UNC5D: variants seen among roughly 807,000 people sequenced by gnomAD.
UNC5D encodes the protein netrin receptor UNC5D.
UNC5D carries 39 observed loss-of-function variants against 105.4 expected under a neutral mutation model. The ratio of observed to expected loss-of-function variants is 0.37; its 90% confidence interval spans 0.29 to 0.48. The LOEUF (loss-of-function observed/expected upper bound fraction) is 0.48, where lower values mean the gene tolerates loss of function less well. Ranked by LOEUF, UNC5D falls within the 20% of genes least tolerant of loss-of-function variation. The pLI is 0.98. For missense variants in UNC5D, 991 were observed against 1,202.4 expected (o/e 0.82, Z 2.60); for synonymous variants, 452 against 450.4 (o/e 1.00, Z -0.04).
At chr8:35,249,002 C>CATATATAATATATATTATATAAAA (rs1563248714) in intron 1 of UNC5D, among the ~76,000 whole-genome samples, 2 of 70,152 alleles carry the variant, frequency 2.9e-5, no homozygotes, top group African/African-American at 1.1e-4. Flanking sequence ...TATATATAAA[C>CATATATAATATATATTATATAAAA]ATATATAATA....
rs537471018 is a variant in UNC5D, at chr8:35,238,850, T to G, written c.103+2963T>G. ...AATAGTCTTGTGATTTACACATACTTAAATCCGTCTATCTGTCTAGCTCAT... is the reference window on the plus strand; with the variant it reads ...AATAGTCTTGTGATTTACACATACTGAAATCCGTCTATCTGTCTAGCTCAT... On this transcript the variant is annotated intron_variant, in intron 1 of 16. Transcript: ENST00000404895. Among the ~76,000 whole-genome samples, 21 of 152,292 alleles carry G rather than the reference T, an allele frequency of 1.4e-4. No homozygotes were observed. The South Asian group carries it at 3.7e-3, about 27-fold the overall frequency.
intron 4 of UNC5D, among the ~76,000 whole-genome samples, chr8:35,629,052 A>C (rs183249721): frequency 6.6e-6 from 1 of 152,064 alleles, no homozygotes; most frequent in African/African-American, 2.4e-5. Flanking sequence ...TTATATGCAG[A>C]GTTTCTAATT....
chr8:35,522,458 GA>G (rs1329806498), intron 1 of UNC5D, among the ~76,000 whole-genome samples: 1 of 152,160 alleles, frequency 6.6e-6, no homozygotes, highest in African/African-American at 2.4e-5. Context: ...ATGAGCTTGT[GA>G]TTTCAATCAA....
chr8:35,731,806 C>G (rs1030234200), intron 11 of UNC5D, among the ~76,000 whole-genome samples: 1 of 152,176 alleles, frequency 6.6e-6, no homozygotes, highest in Non-Finnish European at 1.5e-5. Context: ...AAGACCTACT[C>G]TATACTGCCC....
intron 1 of UNC5D, among the ~76,000 whole-genome samples, chr8:35,462,591 C>T (rs1224650636): frequency 6.8e-6 from 1 of 147,354 alleles, no homozygotes; most frequent in South Asian, 2.1e-4. Flanking sequence ...ATATTCTTAA[C>T]TCTAACAATA....
At chr8:35,331,088 A>G (rs1276695597) in intron 1 of UNC5D, among the ~76,000 whole-genome samples, 1 of 152,136 alleles carries the variant, frequency 6.6e-6, no homozygotes, top group African/African-American at 2.4e-5. Flanking sequence ...CCAAAGGGGA[A>G]TTTTGGAGAA....
chr8:35,641,365 G>GA (rs1822703868), intron 4 of UNC5D, among the ~76,000 whole-genome samples: 1 of 19,872 alleles, frequency 5.0e-5, no homozygotes, highest in African/African-American at 2.0e-4. Context: ...AAAAAATAAA[G>GA]CAAAAAAAAA....
At chr8:35,598,677 T>C (rs1240089725) in intron 4 of UNC5D, among the ~76,000 whole-genome samples, 1 of 152,158 alleles carries the variant, frequency 6.6e-6, no homozygotes, top group East Asian at 1.9e-4. Flanking sequence ...AATGGACAAA[T>C]GAATTTTAAA....
rs983420546 is a variant in UNC5D at position 35,611,786 on chromosome 8, T to A, written c.570+16129T>A. On this transcript the variant is annotated intron_variant, in intron 4 of 16. Coordinates refer to ENST00000404895, the MANE Select transcript of UNC5D (RefSeq NM_080872.4). ...TTTAGCTAAAACCAATTTGCTCTTT[T>A]CAAAACAATTCATTATCCCACACTG... 6.6e-5 allele frequency among the ~76,000 whole-genome samples: 10 copies of A among 152,210 alleles called. No individual in the cohort carries two copies. The South Asian group carries it at 1.0e-3, about 16-fold the overall frequency.
intron 1 of UNC5D, among the ~76,000 whole-genome samples, chr8:35,346,962 T>C (rs1038866273): frequency 2.0e-5 from 3 of 152,016 alleles, no homozygotes; most frequent in Non-Finnish European, 2.9e-5. Context: ...AGCAACACAA[T>C]ACATCAATGC....
At chr8:35,585,652 A>T (rs188878125) in intron 3 of UNC5D, among the ~76,000 whole-genome samples, 22 of 152,162 alleles carry the variant, frequency 1.4e-4, no homozygotes, top group South Asian at 4.2e-4. Context: ...AAATACAATT[A>T]AAAAAGAACA....
chr8:35,341,653 G>A (rs568249233), intron 1 of UNC5D, among the ~76,000 whole-genome samples: 20 of 152,078 alleles, frequency 1.3e-4, no homozygotes, highest in Admixed American at 5.9e-4. Flanking sequence ...TGTAAATTAG[G>A]CAGAAAAGAT....
chr8:35,655,043 A>C (rs966033809), intron 4 of UNC5D, among the ~76,000 whole-genome samples: 1 of 152,210 alleles, frequency 6.6e-6, no homozygotes, highest in Non-Finnish European at 1.5e-5. Context: ...TGGACAATAC[A>C]CTTGCTTGTG....
At chr8:35,415,178 T>A (rs948071728) in intron 1 of UNC5D, among the ~76,000 whole-genome samples, 1 of 152,122 alleles carries the variant, frequency 6.6e-6, no homozygotes, top group Non-Finnish European at 1.5e-5. Context: ...TTTCTTCTAG[T>A]GTTTTATAGT....
chr8:35,586,589 G>A (rs766112937), intron 3 of UNC5D, among the ~76,000 whole-genome samples: 1 of 152,052 alleles, frequency 6.6e-6, no homozygotes, highest in Non-Finnish European at 1.5e-5. Flanking sequence ...TCTGTATTTG[G>A]GTAAGTTACA....
intron 8 of UNC5D, 92 bp downstream of exon 8, chr8:35,706,053 C>A: frequency 1.2e-6 from 1 of 853,428 alleles, no homozygotes. Context: ...AATTGAAGTT[C>A]CTATGAAAGA....
chr8:35,700,909 C>A (rs1429747411), intron 7 of UNC5D, among the ~76,000 whole-genome samples: 1 of 152,114 alleles, frequency 6.6e-6, no homozygotes, highest in Non-Finnish European at 1.5e-5. Context: ...ATACAAAAGG[C>A]AGACTATTCT....
intron 3 of UNC5D, among the ~76,000 whole-genome samples, chr8:35,594,599 G>C (rs530039110): frequency 8.3e-4 from 126 of 152,118 alleles, no homozygotes; most frequent in African/African-American, 3.0e-3. Context: ...AATTACCCTC[G>C]TTCTGCAAGA....
chr8:35,506,467 T>A (rs577662835), intron 1 of UNC5D, among the ~76,000 whole-genome samples: 1 of 152,272 alleles, frequency 6.6e-6, no homozygotes, highest in Non-Finnish European at 1.5e-5. Flanking sequence ...AGCAGCTCCC[T>A]TTAAAAGGAG....
Sources: allele counts gnomAD v4.1 joint callset (sites outside exome capture counted in the v4.1 genomes callset), GRCh38; gene constraint gnomAD v4.1.1; transcripts MANE v1.5; gene names NCBI Gene and HGNC (gene_info 2026-07-23, HGNC 2026-07-21).